ERP44: variants seen among roughly 807,000 people sequenced by gnomAD.
ERP44 encodes endoplasmic reticulum protein 44.
ERP44 carries 25 observed loss-of-function variants against 53.4 expected under a neutral mutation model. The observed-to-expected ratio is 0.47, with a 90% CI of 0.34 to 0.65. ERP44 has a LOEUF of 0.65. Among genes scored for constraint, ERP44 ranks in the 30% least tolerant of loss-of-function variants. The probability of loss-of-function intolerance (pLI) is 0.01; values close to 1 mark genes in which losing one functional copy is unlikely to be tolerated. For synonymous variants in ERP44, 145 were observed against 161.2 expected (o/e 0.90, Z 0.76); for missense variants, 338 against 493.2 (o/e 0.69, Z 2.98).
At chr9:99,986,090 T>C (rs1234625467) in intron 10 of ERP44, among the ~76,000 whole-genome samples, 9 of 152,234 alleles carry the variant, frequency 5.9e-5, no homozygotes, top group Non-Finnish European at 7.3e-5. Flanking sequence ...AACAAATTTA[T>C]GTACCAGGCT....
chr9:100,008,627 T>A (rs1830442203), intron 8 of ERP44, among the ~76,000 whole-genome samples: 1 of 152,212 alleles, frequency 6.6e-6, no homozygotes, highest in Non-Finnish European at 1.5e-5. Context: ...CTGGGACCTA[T>A]TTTACAGGAT....
intron 10 of ERP44, chr9:99,999,165 C>G (rs1288270932): frequency 3.7e-6 from 2 of 538,522 alleles, no homozygotes; most frequent in South Asian, 2.1e-5. Flanking sequence ...CTCCGCCCCC[C>G]GACCCTGTCC....
At chr9:100,094,286 G>A (rs1204536125) in intron 1 of ERP44, among the ~76,000 whole-genome samples, 1 of 151,450 alleles carries the variant, frequency 6.6e-6, no homozygotes, top group African/African-American at 2.4e-5. Context: ...ACAAATATAT[G>A]CCAAAATAAA....
At chr9:100,050,438 A>T (rs1305988530) in intron 4 of ERP44, among the ~76,000 whole-genome samples, 1 of 152,188 alleles carries the variant, frequency 6.6e-6, no homozygotes, top group African/African-American at 2.4e-5. Flanking sequence ...TTAGGAAAAA[A>T]AAAAATTCGA....
chr9:100,025,046 G>A (rs1830638315), intron 4 of ERP44, among the ~76,000 whole-genome samples: 1 of 152,218 alleles, frequency 6.6e-6, no homozygotes, highest in Middle Eastern at 3.4e-3. Flanking sequence ...AGGTTTGCTC[G>A]AGCCCAGGAG....
At chr9:100,068,811 C>T (rs1181633244) in intron 1 of ERP44, among the ~76,000 whole-genome samples, 5 of 152,130 alleles carry the variant, frequency 3.3e-5, no homozygotes, top group Admixed American at 2.0e-4. Context: ...TCACTGAGAA[C>T]GGGCCATGAT....
At chr9:100,002,350 AG>A (rs1423018790) in intron 10 of ERP44, among the ~76,000 whole-genome samples, 1 of 152,214 alleles carries the variant, frequency 6.6e-6, no homozygotes, top group Non-Finnish European at 1.5e-5. Flanking sequence ...TACTTTCACC[AG>A]TGAGTTTTAT....
intron 4 of ERP44, among the ~76,000 whole-genome samples, chr9:100,026,723 TTAA>T (rs1830656539): frequency 6.6e-6 from 1 of 152,204 alleles, no homozygotes; most frequent in South Asian, 2.1e-4. Flanking sequence ...ATATTCAATG[TTAA>T]TAAAGGTAAA....
intron 10 of ERP44, among the ~76,000 whole-genome samples, chr9:100,002,157 C>G (rs955455856): frequency 6.7e-6 from 1 of 149,690 alleles, no homozygotes; most frequent in Non-Finnish European, 1.5e-5. Flanking sequence ...CACTTTTACT[C>G]TACCCTCCTC....
intron 3 of ERP44, among the ~76,000 whole-genome samples, chr9:100,054,012 T>C (rs953671803): frequency 1.3e-5 from 2 of 152,184 alleles, no homozygotes; most frequent in Non-Finnish European, 2.9e-5. Flanking sequence ...TTCTTGTATA[T>C]ATATATCTCT....
intron 3 of ERP44, 94 bp from the exon 4 acceptor site, chr9:100,052,626 A>C (rs1256501017): frequency 3.5e-6 from 2 of 570,426 alleles, no homozygotes; most frequent in Non-Finnish European, 6.3e-6. Flanking sequence ...TATAGGCATA[A>C]TAAACGACTC....
In ERP44 at chr9:99,979,936, T is replaced by C; in HGVS notation, c.*2676A>G. 1 of 398,552 alleles carries C rather than the reference T, an allele frequency of 2.5e-6. No homozygotes were observed. Among genetic ancestry groups the C allele is most frequent in the Non-Finnish European group, 4.4e-6 (1 of 225,994 alleles). 24.7% of individuals were successfully genotyped at this position (398,552 alleles called of 1,614,324 possible). A position where few individuals can be genotyped will look rare whatever the true frequency, so the allele number is the denominator to read the frequency against. ...AATATATACTACAAACCCCTTAGTC[T>C]GGCACACAAGGCCCTGTGTGACCAG... On this transcript the variant is annotated 3_prime_UTR_variant, in exon 12 of 12. Transcript: ENST00000262455.
chr9:99,979,526 A>G lies in ERP44; in HGVS notation c.*3086T>C, dbSNP rs1830124673. ...GAGATGCCTTAGATGCCCATTCTCT[A>G]TCTTATTGGCTAGGTTCTTTTAATT... On this transcript the variant is annotated 3_prime_UTR_variant, in exon 12 of 12. Transcript: ENST00000262455. 6.5e-6 allele frequency: 1 copy of G among 154,194 alleles called. No homozygotes were observed. Among genetic ancestry groups the G allele is most frequent in the South Asian group, 2.1e-4 (1 of 4,848 alleles). The allele number at this position is 154,194 out of a possible 1,614,324, so 9.6% of individuals were successfully genotyped here. A position where few individuals can be genotyped will look rare whatever the true frequency, so the allele number is the denominator to read the frequency against.
chr9:100,062,758 A>G (rs982450043), intron 1 of ERP44, among the ~76,000 whole-genome samples: 25 of 152,274 alleles, frequency 1.6e-4, no homozygotes, highest in African/African-American at 5.1e-4. Context: ...GAGAGAATAT[A>G]TGTTTAAAAT....
chr9:100,019,171 C>A (rs1046666763), intron 6 of ERP44, among the ~76,000 whole-genome samples: 7 of 152,160 alleles, frequency 4.6e-5, no homozygotes, highest in African/African-American at 1.7e-4. Context: ...AGTTATCAGG[C>A]AAGGACTTTC....
intron 4 of ERP44, among the ~76,000 whole-genome samples, chr9:100,046,159 C>T (rs538030055): frequency 6.6e-6 from 1 of 151,788 alleles, no homozygotes; most frequent in South Asian, 2.1e-4. Context: ...ATGACCAAAA[C>T]ATGAGAAAAA....
intron 1 of ERP44, among the ~76,000 whole-genome samples, chr9:100,061,136 C>A (rs1826141743): frequency 6.6e-6 from 1 of 152,072 alleles, no homozygotes; most frequent in South Asian, 2.1e-4. Flanking sequence ...TACATAAGCC[C>A]AACTAATTTT....
Position 99,980,181 on chromosome 9 carries a change from A to C in ERP44, c.*2431T>G. 1 of 397,372 alleles carries C rather than the reference A, an allele frequency of 2.5e-6. No homozygotes were observed. The allele number at this position is 397,372 out of a possible 1,614,324, so 24.6% of individuals were successfully genotyped here. On this transcript the variant is annotated 3_prime_UTR_variant, in exon 12 of 12. Transcript: ENST00000262455. ...CTCCTTTATGCCCTCTTTAACCTTT[A>C]TTTTGTCTTTACATCTATAACACGT...
chr9:99,987,242 T>G (rs1830203513), intron 10 of ERP44, among the ~76,000 whole-genome samples: 1 of 152,186 alleles, frequency 6.6e-6, no homozygotes, highest in African/African-American at 2.4e-5. Context: ...AAACTATCCA[T>G]CATTATTAAG....
Sources: allele counts gnomAD v4.1 joint callset (sites outside exome capture counted in the v4.1 genomes callset), GRCh38; gene constraint gnomAD v4.1.1; transcripts MANE v1.5; gene names NCBI Gene and HGNC (gene_info 2026-07-23, HGNC 2026-07-21).